The following CCDC102B variants were observed in gnomAD, a reference collection of about 807,000 sequenced individuals.
The protein encoded by CCDC102B is coiled-coil domain-containing protein 102B.
A neutral mutation model predicts 57.4 loss-of-function variants in CCDC102B; 75 were observed. That is an observed-to-expected ratio of 1.31 (90% CI 1.08 to 1.58). The LOEUF is 1.58. Among genes scored for constraint, CCDC102B ranks in the 40% most tolerant of loss-of-function variants. CCDC102B has a pLI of 0.00. For synonymous variants in CCDC102B, 206 were observed against 201.9 expected, an observed-to-expected ratio of 1.02 and a Z score of -0.17; for missense variants, 636 against 582.6, an observed-to-expected ratio of 1.09 and a Z score of -0.94.
chr18:68,755,868 A>G (rs556440203), intron 2 of CCDC102B, among the ~76,000 whole-genome samples: 1 of 151,690 alleles, frequency 6.6e-6, no homozygotes, highest in African/African-American at 2.4e-5. Flanking sequence ...AATAGTATAT[A>G]GAGTTGCTAT....
chr18:68,732,181 G>A lies in CCDC102B; in HGVS notation c.-67+15587G>A, dbSNP rs9960633. Reference sequence around the variant, plus strand: ...TCTTCAATCTCTTTCCTGTGGGCCAGTTTTTATGGAAGCACAGGGCTTTTC... The same window carrying A: ...TCTTCAATCTCTTTCCTGTGGGCCAATTTTTATGGAAGCACAGGGCTTTTC... On this transcript the variant is annotated intron_variant, in intron 2 of 3. Coordinates refer to the CCDC102B transcript ENST00000578970. Among the ~76,000 whole-genome samples the A allele has an allele frequency of 2.6e-3, 391 of 151,700 alleles. 5 individuals are homozygous for A. The highest frequency in any genetic ancestry group is 8.8e-3 in the African/African-American group (366 of 41,462).
intron 2 of CCDC102B, among the ~76,000 whole-genome samples, chr18:68,734,094 A>G (rs2033019425): frequency 6.6e-6 from 1 of 152,256 alleles, no homozygotes; most frequent in Non-Finnish European, 1.5e-5. Context: ...CTAGAATAAT[A>G]TCTTTGCAAA....
intron 7 of CCDC102B, among the ~76,000 whole-genome samples, chr18:69,027,873 A>G (rs2052034660): frequency 6.6e-6 from 1 of 152,196 alleles, no homozygotes. Flanking sequence ...TCTGAATGAA[A>G]GAATATGTTG....
At chr18:68,880,293 G>A (rs377572089) in intron 5 of CCDC102B, among the ~76,000 whole-genome samples, 10 of 152,134 alleles carry the variant, frequency 6.6e-5, no homozygotes, top group Admixed American at 3.9e-4. Flanking sequence ...CTCCGAGTGC[G>A]GGGCCCACCA....
chr18:68,838,136 T>C (rs748534889), intron 2 of CCDC102B, among the ~76,000 whole-genome samples: 4 of 152,194 alleles, frequency 2.6e-5, no homozygotes, highest in Non-Finnish European at 5.9e-5. Context: ...TGAGTTACGC[T>C]CTAAGAGTGT....
chr18:68,916,920 T>C (rs1251684789), intron 6 of CCDC102B, among the ~76,000 whole-genome samples: 1 of 152,108 alleles, frequency 6.6e-6, no homozygotes, highest in Non-Finnish European at 1.5e-5. Flanking sequence ...CCTGTGTGGC[T>C]GGAGAGAGGA....
At chr18:68,874,361 T>G (rs919266327) in intron 4 of CCDC102B, among the ~76,000 whole-genome samples, 1 of 151,990 alleles carries the variant, frequency 6.6e-6, no homozygotes, top group African/African-American at 2.4e-5. Context: ...GTTAATTGGT[T>G]AGTTTAGAAA....
rs552444158 is a variant in CCDC102B, at chr18:69,018,185, C to T, written c.1434+7081C>T. On this transcript the variant is annotated intron_variant, in intron 7 of 7. Coordinates refer to ENST00000360242, the MANE Select transcript of CCDC102B (RefSeq NM_024781.3). The stretch of plus-strand genomic sequence containing the variant: ...TGCAATGAACATGGAGTGCAGGTAT[C>T]TCTTTCAGATACTGATTTCATTTCA... 7.2e-5 allele frequency among the ~76,000 whole-genome samples: 11 copies of T among 152,300 alleles called. 1 individual carries two copies. In the South Asian group the frequency reaches 1.9e-3, roughly 26 times the overall value.
At chr18:68,866,669 T>G (rs1431490542) in intron 4 of CCDC102B, 3 of 389,398 alleles carry the variant, frequency 7.7e-6, no homozygotes, top group East Asian at 1.2e-4. Flanking sequence ...CAAACCGCCC[T>G]TTATCTTGCC....
intron 5 of CCDC102B, among the ~76,000 whole-genome samples, chr18:68,888,071 C>A (rs1599638009): frequency 6.9e-6 from 1 of 144,892 alleles, no homozygotes; most frequent in Non-Finnish European, 1.5e-5. Context: ...AGTATACTTA[C>A]AACAGACAGT....
chr18:68,788,624 C>G (rs1316947308), intron 2 of CCDC102B, among the ~76,000 whole-genome samples: 3 of 149,322 alleles, frequency 2.0e-5, no homozygotes, highest in South Asian at 4.2e-4. Flanking sequence ...GGTTTAAAGT[C>G]TGTTTTATCA....
intron 2 of CCDC102B, among the ~76,000 whole-genome samples, chr18:68,775,797 G>A (rs2034793156): frequency 6.6e-6 from 1 of 151,844 alleles, no homozygotes; most frequent in Admixed American, 6.6e-5. Context: ...GGGACTACAG[G>A]CGCCCGCCAC....
chr18:68,782,823 G>T (rs191046655), intron 2 of CCDC102B, among the ~76,000 whole-genome samples: 123 of 152,222 alleles, frequency 8.1e-4, no homozygotes, highest in African/African-American at 2.8e-3. Context: ...ATTCAACATT[G>T]TTTCTAAAAG....
chr18:68,996,149 G>A lies in CCDC102B; in HGVS notation c.1264-14785G>A, dbSNP rs989157148. ...TAACATTTGAGTCAGTGGACTGGGA[G>A]AGGCAGACCCACCTACAATCAGGGT... On this transcript the variant is annotated intron_variant, in intron 6 of 7. Transcript: ENST00000360242. Among the ~76,000 whole-genome samples the A allele has an allele frequency of 3.9e-5, 6 of 152,200 alleles. No homozygotes were observed. In the South Asian group the frequency reaches 1.2e-3, roughly 31 times the overall value.
chr18:69,038,289 C>T (rs901596158), intron 7 of CCDC102B, among the ~76,000 whole-genome samples: 1 of 151,834 alleles, frequency 6.6e-6, no homozygotes, highest in African/African-American at 2.4e-5. Flanking sequence ...ATAATATTTT[C>T]AGTAACCATT....
intron 2 of CCDC102B, among the ~76,000 whole-genome samples, chr18:68,739,961 T>A (rs2033312494): frequency 6.6e-6 from 1 of 152,206 alleles, no homozygotes; most frequent in Admixed American, 6.5e-5. Flanking sequence ...ATTACTAGTA[T>A]GACATATGTT....
intron 2 of CCDC102B, among the ~76,000 whole-genome samples, chr18:68,760,544 G>T (rs1371143106): frequency 6.6e-6 from 1 of 152,058 alleles, no homozygotes; most frequent in Non-Finnish European, 1.5e-5. Context: ...TCCTTCCAAA[G>T]CCTTGTAATT....
At chr18:68,878,556 C>T (rs1397286723) in intron 5 of CCDC102B, among the ~76,000 whole-genome samples, 1 of 152,028 alleles carries the variant, frequency 6.6e-6, no homozygotes, top group Non-Finnish European at 1.5e-5. Flanking sequence ...AGAATTAGTG[C>T]CCTTAAAAAA....
chr18:69,044,523 TA>T (rs2052510898), intron 7 of CCDC102B, among the ~76,000 whole-genome samples: 1 of 152,182 alleles, frequency 6.6e-6, no homozygotes, highest in African/African-American at 2.4e-5. Context: ...TTGAAATGAA[TA>T]ACTCTGAGAA....
Sources: allele counts gnomAD v4.1 joint callset (sites outside exome capture counted in the v4.1 genomes callset), GRCh38; gene constraint gnomAD v4.1.1; transcripts MANE v1.5; gene names NCBI Gene and HGNC (gene_info 2026-07-23, HGNC 2026-07-21).